OR6N2: variants seen among roughly 807,000 people sequenced by gnomAD.
OR6N2 encodes olfactory receptor 6N2.
For synonymous variants in OR6N2, 160 were observed against 138.3 expected (o/e 1.16, Z -1.10); for missense variants, 399 against 379.7 (o/e 1.05, Z -0.42).
In OR6N2 at chr1:158,776,245, C is replaced by T. The variant is rs1390763965; in HGVS notation, c.*437G>A. The T allele has an allele frequency of 6.5e-6, 1 of 153,074 alleles. No individual in the cohort carries two copies. Among genetic ancestry groups the T allele is most frequent in the East Asian group, 1.9e-4 (1 of 5,192 alleles). 9.5% of individuals were successfully genotyped at this position (153,074 alleles called of 1,614,324 possible). On this transcript the variant is annotated 3_prime_UTR_variant, in exon 2 of 2. Coordinates refer to ENST00000641131, the MANE Select transcript of OR6N2 (RefSeq NM_001005278.2). ...GAGAGAGGAAGGAAAAGAAGTTTCT[C>T]ATGGATTTGGCAGCATTGAGGTCAA...
Position 158,777,490 on chromosome 1 carries a change from A to T in OR6N2, c.146T>A (p.Ile49Asn). Reference protein sequence around the residue: ...ICGNMLIFSVIRLDAALHTPM... With the variant: ...ICGNMLIFSVNRLDAALHTPM... ...TGTGTGCAGAGCTGCATCCAGTCGGATGACTGAGAAGATGAGCATGTTACC... is the reference window on the plus strand; with the variant it reads ...TGTGTGCAGAGCTGCATCCAGTCGGTTGACTGAGAAGATGAGCATGTTACC... The change falls in exon 2 of 2, where the codon ATC becomes AAC. Residue 49 changes from isoleucine (I) to asparagine (N), a missense_variant. By Grantham distance (149) the Ile-to-Asn change is moderately radical. Coordinates refer to ENST00000641131, the MANE Select transcript of OR6N2 (RefSeq NM_001005278.2). 1.2e-6 allele frequency: 2 copies of T among 1,614,186 alleles called. No individual in the cohort carries two copies. The highest frequency in any genetic ancestry group is 2.2e-5 in the South Asian group (2 of 91,084).
intron 1 of OR6N2, 148 bp downstream of exon 1, chr1:158,781,022 A>G (rs1657740089): frequency 6.6e-6 from 1 of 152,234 alleles, no homozygotes; most frequent in African/African-American, 2.4e-5. Flanking sequence ...TCAAAATTGA[A>G]TTATTTCAAG....
chr1:158,777,722 CTT>C (rs1434990677), intron 1 of OR6N2, 81 bp from the exon 2 acceptor site: 11 of 791,480 alleles, frequency 1.4e-5, no homozygotes, highest in Non-Finnish European at 2.0e-5. Context: ...CTCTCTCTCT[CTT>C]TTTAACTTAA....
rs767136930 is a variant in OR6N2 at position 158,776,689 on chromosome 1, T to G, written c.947A>C (p.His316Pro). 1 of 1,586,720 alleles carries G rather than the reference T, an allele frequency of 6.3e-7. No individual in the cohort carries two copies. The highest frequency in any genetic ancestry group is 1.1e-5 in the South Asian group (1 of 87,900). The change falls in exon 2 of 2, where the codon CAT (histidine) becomes CCT (proline). Residue 316 changes from histidine to proline, a missense_variant. His to Pro is a moderately conservative substitution (Grantham distance 77). Transcript: ENST00000641131. ...AAGGACATGGGAAGAAAGTCAAAGA[T>G]GAGCAAGACTAGCTTTATCTCCCTT... ...FQKGDKASLA[H>P]L
In OR6N2 at chr1:158,777,415, G is replaced by A. The variant is rs1558035930; in HGVS notation, c.221C>T (p.Thr74Ile). 1.9e-6 allele frequency: 3 copies of A among 1,613,708 alleles called. No individual in the cohort carries two copies. Among genetic ancestry groups the A allele is most frequent in the Admixed American group, 1.7e-5 (1 of 60,004 alleles). Residue 74 changes from threonine to isoleucine, a missense_variant, in exon 2 of 2, where the codon ACA becomes ATA. Transcript: ENST00000641131. The stretch of plus-strand genomic sequence containing the variant: ...CAACATCTTAGGGATAGTGGTAGCT[G>A]TATACCACAACTCCAAGAAGGAAAG... ...SVLSFLELWY[T>I]ATTIPKMLSN...
chr1:158,777,461 T>C lies in OR6N2; in HGVS notation c.175A>G (p.Met59Val), dbSNP rs746108630. 3.1e-6 allele frequency: 5 copies of C among 1,614,208 alleles called. No homozygotes were observed. The highest frequency in any genetic ancestry group is 2.2e-5 in the East Asian group (1 of 44,878). The change falls in exon 2 of 2, where the codon ATG becomes GTG. Residue 59 changes from methionine (M) to valine (V), a missense_variant. Coordinates refer to ENST00000641131, the MANE Select transcript of OR6N2 (RefSeq NM_001005278.2). ...GAAAGAACACTGACAAAGTGGTACATAGGTGTGTGCAGAGCTGCATCCAGT... is the reference window on the plus strand; with the variant it reads ...GAAAGAACACTGACAAAGTGGTACACAGGTGTGTGCAGAGCTGCATCCAGT... The part of the protein sequence containing the change: ...IRLDAALHTP[M>V]YHFVSVLSFL...
rs1167349253 is a variant in OR6N2, at chr1:158,775,072, C to T, written c.*1610G>A. 1 of 152,100 alleles carries T rather than the reference C, an allele frequency of 6.6e-6. No individual in the cohort carries two copies. Among genetic ancestry groups the T allele is most frequent in the Admixed American group, 6.5e-5 (1 of 15,268 alleles). 9.4% of individuals were successfully genotyped at this position (152,100 alleles called of 1,614,324 possible). ...TAAAAAATCTGAAATAATTTGAGACCAAATCTAGTTTATAGATACTTGTAG... is the reference window on the plus strand; with the variant it reads ...TAAAAAATCTGAAATAATTTGAGACTAAATCTAGTTTATAGATACTTGTAG... On this transcript the variant is annotated 3_prime_UTR_variant, in exon 2 of 2. Transcript: ENST00000641131.
At position 158,775,735 on chromosome 1, in the gene OR6N2, A is replaced by G. The variant is rs1005152203; in HGVS notation, c.*947T>C. ...AAGAAATAAATTGATTTAAGAATAT[A>G]TTTTGTGAAAAGATTGTTGGCATAC... On this transcript the variant is annotated 3_prime_UTR_variant, in exon 2 of 2. Transcript: ENST00000641131. 15 of 151,234 alleles carry G rather than the reference A, an allele frequency of 9.9e-5. No homozygotes were observed. Among genetic ancestry groups the G allele is most frequent in the African/African-American group, 3.6e-4 (15 of 41,300 alleles). 9.4% of individuals were successfully genotyped at this position (151,234 alleles called of 1,614,324 possible).
rs2518524 is a variant in OR6N2, at chr1:158,776,546, T to A, written c.*136A>T. On this transcript the variant is annotated 3_prime_UTR_variant, in exon 2 of 2. Transcript: ENST00000641131. ...AAAATAGAAATAAAGATGTAGAAAA[T>A]GAGAAAATCATAAAGAAATGAAGTC... 1.9e-6 allele frequency: 1 copy of A among 516,780 alleles called. No homozygotes were observed. The highest frequency in any genetic ancestry group is 3.4e-6 in the Non-Finnish European group (1 of 297,400). The allele number at this position is 516,780 out of a possible 1,614,324, so 32.0% of individuals were successfully genotyped here. A position where few individuals can be genotyped will look rare whatever the true frequency, so the allele number is the denominator to read the frequency against.
Position 158,777,583 on chromosome 1 carries a change from G to C in OR6N2, c.53C>G (p.Ala18Gly). Residue 18 changes from alanine to glycine, a missense_variant, in exon 2 of 2, where the codon GCC becomes GGC. Transcript: ENST00000641131. ...CCAGCCCCTGACATAGCCCACACTGGCAAAGCCAAGGAACACAAATTCAGC... is the reference window on the plus strand; with the variant it reads ...CCAGCCCCTGACATAGCCCACACTGCCAAAGCCAAGGAACACAAATTCAGC... Reference protein sequence around the residue: ...SLAEFVFLGFASVGYVRGWLF... With the variant: ...SLAEFVFLGFGSVGYVRGWLF... The C allele has an allele frequency of 6.2e-7, 1 of 1,614,024 alleles. No individual in the cohort carries two copies. The highest frequency in any genetic ancestry group is 8.5e-7 in the Non-Finnish European group (1 of 1,180,002).
At chr1:158,777,732 T>G (rs1399502979) in intron 1 of OR6N2, 91 bp from the exon 2 acceptor site, 1 of 737,554 alleles carries the variant, frequency 1.4e-6, no homozygotes, top group Non-Finnish European at 2.2e-6. Flanking sequence ...CTTTTTAACT[T>G]AAAAGTAGCA....
Position 158,776,599 on chromosome 1 carries a change from C to A in OR6N2, c.*83G>T. 1 of 717,180 alleles carries A rather than the reference C, an allele frequency of 1.4e-6. No individual in the cohort carries two copies. The allele number at this position is 717,180 out of a possible 1,614,324, so 44.4% of individuals were successfully genotyped here. A position where few individuals can be genotyped will look rare whatever the true frequency, so the allele number is the denominator to read the frequency against. On this transcript the variant is annotated 3_prime_UTR_variant, in exon 2 of 2. Coordinates refer to ENST00000641131, the MANE Select transcript of OR6N2 (RefSeq NM_001005278.2). ...TGAAGAGGTGAAAGGAAATGAAATTCAGAGCATGTGTGATGATGGGAAGAT... is the reference window on the plus strand; with the variant it reads ...TGAAGAGGTGAAAGGAAATGAAATTAAGAGCATGTGTGATGATGGGAAGAT...
At chr1:158,779,464 G>A (rs1287033052) in intron 1 of OR6N2, among the ~76,000 whole-genome samples, 1 of 152,152 alleles carries the variant, frequency 6.6e-6, no homozygotes, top group African/African-American at 2.4e-5. Context: ...ATAATTAGTA[G>A]ACCAATACTT....
In OR6N2 at chr1:158,779,430, G is replaced by A. The variant is rs562033121; in HGVS notation, c.-7+1740C>T. ...TTCAATAAGATATTAATAACCAAAC[G>A]AATTCATTTAAACAATTCATTTAAT... On this transcript the variant is annotated intron_variant, in intron 1 of 1. Coordinates refer to ENST00000641131, the MANE Select transcript of OR6N2 (RefSeq NM_001005278.2). Among the ~76,000 whole-genome samples, 7 of 152,192 alleles carry A rather than the reference G, an allele frequency of 4.6e-5. No individual in the cohort carries two copies. The South Asian group carries it at 8.3e-4, about 18-fold the overall frequency.
chr1:158,777,747 A>C (rs1256854506), intron 1 of OR6N2, 106 bp from the exon 2 acceptor site: 15 of 662,554 alleles, frequency 2.3e-5, no homozygotes, highest in Non-Finnish European at 3.7e-5. Context: ...GTAGCACTGA[A>C]ATTACTACTG....
At chr1:158,778,653 G>C (rs184892248) in intron 1 of OR6N2, among the ~76,000 whole-genome samples, 189 of 152,232 alleles carry the variant, frequency 1.2e-3, no homozygotes, top group Middle Eastern at 6.8e-3. Context: ...GGAGATGAAG[G>C]TGTGAATTTG....
At position 158,777,611 on chromosome 1, in the gene OR6N2, G is replaced by C; in HGVS notation, c.25C>G (p.Leu9Val). 1 of 1,613,348 alleles carries C rather than the reference G, an allele frequency of 6.2e-7. No homozygotes were observed. The highest frequency in any genetic ancestry group is 8.5e-7 in the Non-Finnish European group (1 of 1,179,622). The change falls in exon 2 of 2, where the codon CTG (leucine) becomes GTG (valine). Residue 9 changes from leucine (L) to valine (V), a missense_variant. Transcript: ENST00000641131. ...AAGCCAAGGAACACAAATTCAGCCA[G>C]GCTTGAATGGTTGTATTGATCCATG... The part of the protein sequence containing the change: MDQYNHSS[L>V]AEFVFLGFAS...
Position 158,777,404 on chromosome 1 carries a change from T to C in OR6N2, c.232A>G (p.Ile78Val). ...AGAATATTAGACAACATCTTAGGGA[T>C]AGTGGTAGCTGTATACCACAACTCC... The part of the protein sequence containing the change: ...FLELWYTATT[I>V]PKMLSNILSE... The change falls in exon 2 of 2, where the codon ATC becomes GTC. Residue 78 changes from isoleucine to valine, a missense_variant. Transcript: ENST00000641131. The C allele has an allele frequency of 1.4e-5, 23 of 1,614,170 alleles. No individual in the cohort carries two copies. The highest frequency in any genetic ancestry group is 1.9e-5 in the Non-Finnish European group (22 of 1,179,986).
chr1:158,776,730 C>G lies in OR6N2; in HGVS notation c.906G>C (p.Lys302Asn). 1 of 1,613,438 alleles carries G rather than the reference C, an allele frequency of 6.2e-7. No homozygotes were observed. Among genetic ancestry groups the G allele is most frequent in the Non-Finnish European group, 8.5e-7 (1 of 1,179,692 alleles). Residue 302 changes from lysine to asparagine, a missense_variant, in exon 2 of 2, where the codon AAG (lysine) becomes AAC (asparagine). Lys to Asn is a moderately conservative substitution (Grantham distance 94, BLOSUM62 0). Transcript: ENST00000641131. Reference sequence around the variant, plus strand: ...TATCTCCCTTCTGGAAGATGGTCCTCTTGATAGCTTTAATGATTTCCTTGT... The same window carrying G: ...TATCTCCCTTCTGGAAGATGGTCCTGTTGATAGCTTTAATGATTTCCTTGT... ...LRNKEIIKAI[K>N]RTIFQKGDKA...
Sources: allele counts gnomAD v4.1 joint callset (sites outside exome capture counted in the v4.1 genomes callset), GRCh38; gene constraint gnomAD v4.1.1; transcripts MANE v1.5; gene names NCBI Gene and HGNC (gene_info 2026-07-23, HGNC 2026-07-21).